GABRB3: variants seen among roughly 807,000 people sequenced by gnomAD.
The protein encoded by GABRB3 is gamma-aminobutyric acid type A receptor subunit beta3.
In GABRB3, 14 loss-of-function variants were observed where a neutral mutation model predicts 52.1. The ratio of observed to expected loss-of-function variants is 0.27; its 90% CI spans 0.18 to 0.42. GABRB3 has a LOEUF of 0.42. GABRB3 is among the 10% of genes least tolerant of loss of function. The probability of loss-of-function intolerance (pLI) is 1.00; values close to 1 mark genes in which losing one functional copy is unlikely to be tolerated. For synonymous variants in GABRB3, 260 were observed against 232.3 expected (o/e 1.12, Z -1.08); for missense variants, 307 against 609.1 (o/e 0.50, Z 5.22).
At chr15:26,650,896 C>T (rs760468255) in intron 3 of GABRB3, among the ~76,000 whole-genome samples, 1 of 152,108 alleles carries the variant, frequency 6.6e-6, no homozygotes, top group African/African-American at 2.4e-5. Flanking sequence ...AGATGGCCTG[C>T]CCTCCCTGTC....
chr15:26,655,549 T>C (rs1481725513), intron 3 of GABRB3, among the ~76,000 whole-genome samples: 3 of 152,102 alleles, frequency 2.0e-5, no homozygotes, highest in Non-Finnish European at 4.4e-5. Flanking sequence ...GAGACCATCC[T>C]GGCTAACACG....
chr15:26,725,457 A>G (rs555068793), intron 3 of GABRB3, among the ~76,000 whole-genome samples: 7 of 152,258 alleles, frequency 4.6e-5, no homozygotes, highest in African/African-American at 1.7e-4. Context: ...TCCTCCACAC[A>G]CCACATTGGA....
chr15:26,700,436 A>G (rs1350601970), intron 3 of GABRB3, among the ~76,000 whole-genome samples: 1 of 152,238 alleles, frequency 6.6e-6, no homozygotes, highest in African/African-American at 2.4e-5. Context: ...CTCTTCCAGA[A>G]TACTGACAAG....
chr15:26,684,905 C>A (rs1595529294), intron 3 of GABRB3, among the ~76,000 whole-genome samples: 1 of 152,174 alleles, frequency 6.6e-6, no homozygotes, highest in African/African-American at 2.4e-5. Flanking sequence ...CAAGAATTAC[C>A]AAAATGTAAC....
chr15:26,629,532 G>T (rs1185657592), intron 3 of GABRB3, among the ~76,000 whole-genome samples: 2 of 152,154 alleles, frequency 1.3e-5, no homozygotes, highest in African/African-American at 4.8e-5. Flanking sequence ...TGGTGGAGAG[G>T]TCAGAGCTTG....
intron 4 of GABRB3, among the ~76,000 whole-genome samples, chr15:26,587,512 C>T (rs1242478830): frequency 6.6e-6 from 1 of 152,198 alleles, no homozygotes; most frequent in African/African-American, 2.4e-5. Flanking sequence ...ACAAAATCCT[C>T]ATCCAAGTTG....
chr15:26,688,526 A>T (rs1363286137), intron 3 of GABRB3, among the ~76,000 whole-genome samples: 1 of 152,114 alleles, frequency 6.6e-6, no homozygotes, highest in Non-Finnish European at 1.5e-5. Context: ...GAAGCAGAGG[A>T]CTCTTCAAAC....
At chr15:26,758,946 C>A (rs895765855) in intron 3 of GABRB3, among the ~76,000 whole-genome samples, 1 of 152,220 alleles carries the variant, frequency 6.6e-6, no homozygotes, top group Admixed American at 6.5e-5. Context: ...AGCGGAAAAA[C>A]CTAAGTTAAA....
At chr15:26,717,034 CGACAGT>C (rs1889501347) in intron 3 of GABRB3, among the ~76,000 whole-genome samples, 1 of 120,620 alleles carries the variant, frequency 8.3e-6, no homozygotes, top group Non-Finnish European at 1.7e-5. Flanking sequence ...CTCCACCCAG[CGACAGT>C]CCAGCTCTGG....
At chr15:26,769,945 G>T (rs960398734) in intron 3 of GABRB3, among the ~76,000 whole-genome samples, 1 of 149,178 alleles carries the variant, frequency 6.7e-6, no homozygotes, top group African/African-American at 2.5e-5. Context: ...GACCAGTAAG[G>T]TGATTAATAA....
chr15:26,585,053 G>A (rs1378007969), intron 4 of GABRB3, among the ~76,000 whole-genome samples: 1 of 152,214 alleles, frequency 6.6e-6, no homozygotes, highest in East Asian at 1.9e-4. Flanking sequence ...AAGCATCATA[G>A]AGGGAGAGAA....
chr15:26,592,244 A>T (rs747301912), intron 4 of GABRB3, among the ~76,000 whole-genome samples: 2 of 152,222 alleles, frequency 1.3e-5, no homozygotes, highest in African/African-American at 2.4e-5. Flanking sequence ...AGTGACAATT[A>T]GGCGTAACAA....
chr15:26,757,183 G>A (rs1335814116), intron 3 of GABRB3, among the ~76,000 whole-genome samples: 1 of 151,740 alleles, frequency 6.6e-6, no homozygotes, highest in African/African-American at 2.4e-5. Context: ...TTTGCTATTC[G>A]TATCCCACCG....
intron 3 of GABRB3, among the ~76,000 whole-genome samples, chr15:26,659,075 C>T (rs1389647300): frequency 1.3e-5 from 2 of 152,186 alleles, no homozygotes; most frequent in Admixed American, 6.5e-5. Context: ...GGGGTAAAGA[C>T]GGTGCCTTCA....
At chr15:26,739,094 G>C (rs1367885246) in intron 3 of GABRB3, among the ~76,000 whole-genome samples, 1 of 152,118 alleles carries the variant, frequency 6.6e-6, no homozygotes, top group Non-Finnish European at 1.5e-5. Context: ...CAGTGACCCA[G>C]CTCATCACTG....
chr15:26,591,303 T>C (rs1303859706), intron 4 of GABRB3, among the ~76,000 whole-genome samples: 2 of 152,210 alleles, frequency 1.3e-5, no homozygotes, highest in Non-Finnish European at 2.9e-5. Context: ...TAAATTCTCT[T>C]ATCGCTACGT....
chr15:26,556,294 C>T (rs953447378), intron 8 of GABRB3, among the ~76,000 whole-genome samples: 1 of 152,112 alleles, frequency 6.6e-6, no homozygotes. Flanking sequence ...AAATATGTCA[C>T]CAGATTGGCA....
chr15:26,558,847 A>AG (rs1555401247), intron 8 of GABRB3, among the ~76,000 whole-genome samples: 15 of 151,846 alleles, frequency 9.9e-5, no homozygotes, highest in African/African-American at 2.9e-4. Context: ...TCAAAAAAAA[A>AG]AAAGAAAGAA....
chr15:26,559,712 T>C (rs1486674975), intron 8 of GABRB3, among the ~76,000 whole-genome samples: 1 of 152,204 alleles, frequency 6.6e-6, no homozygotes, highest in East Asian at 1.9e-4. Context: ...AGTGGCTTTG[T>C]GGTTGGAAGG....
Sources: gnomAD v4.1 joint callset for allele counts (sites outside exome capture counted in the v4.1 genomes callset) on GRCh38, gnomAD v4.1.1 for gene constraint, MANE v1.5 for transcripts, NCBI Gene and HGNC (gene_info 2026-07-23, HGNC 2026-07-21) for gene names.